The following KAZN variants were observed in gnomAD, a reference collection of about 807,000 sequenced individuals.
KAZN encodes the protein kazrin.
In KAZN, 40 loss-of-function variants were observed where a neutral mutation model predicts 87.4. That is an observed-to-expected ratio of 0.46 (90% CI 0.36 to 0.60). The LOEUF (loss-of-function observed/expected upper bound fraction) is 0.60. Among genes scored for constraint, KAZN ranks in the 20% least tolerant of loss-of-function variants. The pLI is 0.00. For missense variants in KAZN, 898 were observed against 1,073.9 expected (o/e 0.84, Z 2.29); for synonymous variants, 466 against 458.3 (o/e 1.02, Z -0.22).
intron 2 of KAZN, among the ~76,000 whole-genome samples, chr1:14,562,877 T>C (rs1278100777): frequency 6.6e-6 from 1 of 152,228 alleles, no homozygotes; most frequent in Non-Finnish European, 1.5e-5. Flanking sequence ...GTTTTAATGA[T>C]GGGCAAGCCA....
intron 2 of KAZN, among the ~76,000 whole-genome samples, chr1:14,360,786 T>C (rs940043260): frequency 1.3e-5 from 2 of 152,188 alleles, no homozygotes; most frequent in African/African-American, 2.4e-5. Context: ...ACAGCAAAGA[T>C]TGCTGTCTGT....
At chr1:14,127,805 G>A (rs1026680075) in intron 1 of KAZN, among the ~76,000 whole-genome samples, 1 of 152,088 alleles carries the variant, frequency 6.6e-6, no homozygotes, top group East Asian at 1.9e-4. Flanking sequence ...GCTTTGAGTC[G>A]GTGCTAGGGA....
intron 2 of KAZN, among the ~76,000 whole-genome samples, chr1:14,383,125 A>C (rs182848270): frequency 3.3e-5 from 5 of 152,008 alleles, no homozygotes; most frequent in Non-Finnish European, 5.9e-5. Flanking sequence ...TTCTTTTGAG[A>C]AGTGTCTGTT....
At chr1:14,794,730 C>A (rs948348146) in intron 1 of KAZN, among the ~76,000 whole-genome samples, 5 of 152,136 alleles carry the variant, frequency 3.3e-5, no homozygotes, top group Non-Finnish European at 7.3e-5. Flanking sequence ...TACTGAGTGT[C>A]AACTTGATTT....
chr1:14,785,461 A>G (rs984025600), intron 1 of KAZN, among the ~76,000 whole-genome samples: 22 of 152,128 alleles, frequency 1.4e-4, no homozygotes, highest in African/African-American at 4.8e-4. Flanking sequence ...CAGAATGGAT[A>G]CCTCAGGGGA....
chr1:15,088,562 C>T (rs1178584887), intron 8 of KAZN, among the ~76,000 whole-genome samples: 3 of 152,180 alleles, frequency 2.0e-5, no homozygotes, highest in Non-Finnish European at 4.4e-5. Flanking sequence ...CGCTGAGCAG[C>T]CTGGCCATCA....
intron 2 of KAZN, among the ~76,000 whole-genome samples, chr1:14,452,445 G>C (rs184328934): frequency 1.2e-4 from 19 of 152,302 alleles, no homozygotes; most frequent in Admixed American, 1.1e-3. Flanking sequence ...TTTTATCCAA[G>C]AGAATGCATT....
chr1:13,920,918 T>C (rs766318577), intron 1 of KAZN, among the ~76,000 whole-genome samples: 3 of 152,188 alleles, frequency 2.0e-5, no homozygotes, highest in Non-Finnish European at 4.4e-5. Context: ...TTGTCCAAGA[T>C]GGCGATGCTC....
At position 15,116,129 on chromosome 1, in the gene KAZN, G is replaced by C. The variant is rs1416061957; in HGVS notation, c.*1494G>C. ...ATGATTAGGGAAGGACGGATGCATT[G>C]CGATTCTGCTTACACATCGGGTTAT... On this transcript the variant is annotated 3_prime_UTR_variant, in exon 15 of 15. Transcript: ENST00000376030. 1 of 152,290 alleles carries C rather than the reference G, an allele frequency of 6.6e-6. No individual in the cohort carries two copies. Among genetic ancestry groups the C allele is most frequent in the East Asian group, 1.9e-4 (1 of 5,180 alleles). 9.4% of individuals were successfully genotyped at this position (152,290 alleles called of 1,614,324 possible). A position where few individuals can be genotyped will look rare whatever the true frequency, so the allele number is the denominator to read the frequency against.
intron 1 of KAZN, among the ~76,000 whole-genome samples, chr1:14,105,887 T>C (rs547693397): frequency 1.3e-5 from 2 of 152,334 alleles, no homozygotes; most frequent in East Asian, 3.9e-4. Flanking sequence ...GGAATTGACA[T>C]CAGGGTTGGG....
At chr1:14,690,593 G>A (rs1641232797) in intron 1 of KAZN, among the ~76,000 whole-genome samples, 2 of 149,536 alleles carry the variant, frequency 1.3e-5, no homozygotes, top group Non-Finnish European at 3.0e-5. Context: ...CAAAGAGGAA[G>A]ATCACATTCT....
At chr1:13,895,120 G>T (rs1031648955) in intron 1 of KAZN, among the ~76,000 whole-genome samples, 2 of 152,210 alleles carry the variant, frequency 1.3e-5, no homozygotes, top group African/African-American at 2.4e-5. Flanking sequence ...AGGCATCTCT[G>T]TTTGCAGGGA....
chr1:14,932,455 A>C (rs540119581), intron 1 of KAZN, among the ~76,000 whole-genome samples: 1 of 152,204 alleles, frequency 6.6e-6, no homozygotes, highest in East Asian at 1.9e-4. Flanking sequence ...TTTCGAGGAG[A>C]GCCTGCGTGG....
chr1:14,543,068 G>C (rs1672914825), intron 2 of KAZN, among the ~76,000 whole-genome samples: 1 of 152,134 alleles, frequency 6.6e-6, no homozygotes, highest in Non-Finnish European at 1.5e-5. Context: ...AGAAACACAG[G>C]CTCCTAACTA....
At chr1:15,014,613 T>C (rs1451508180) in intron 2 of KAZN, among the ~76,000 whole-genome samples, 2 of 152,148 alleles carry the variant, frequency 1.3e-5, no homozygotes, top group Non-Finnish European at 2.9e-5. Context: ...GGGAGAGCAT[T>C]TGCTGGCACC....
intron 2 of KAZN, among the ~76,000 whole-genome samples, chr1:14,360,147 CT>C (rs1359477636): frequency 2.0e-5 from 3 of 152,066 alleles, no homozygotes; most frequent in African/African-American, 7.2e-5. Context: ...CCTTTTCATT[CT>C]TTTTTCTCTA....
intron 8 of KAZN, among the ~76,000 whole-genome samples, chr1:15,088,775 G>C (rs1440606161): frequency 6.6e-6 from 1 of 152,044 alleles, no homozygotes; most frequent in East Asian, 1.9e-4. Flanking sequence ...CTCAGGGGTG[G>C]GGGAGAAGGA....
chr1:14,723,594 CCTTCACAGTTGG>C (rs1362860491), intron 1 of KAZN, among the ~76,000 whole-genome samples: 3 of 152,152 alleles, frequency 2.0e-5, no homozygotes, highest in Admixed American at 1.3e-4. Flanking sequence ...GACAAAAGGC[CCTTCACAGTTGG>C]CTGTCCATCT....
chr1:14,442,416 A>G (rs1175490673), intron 2 of KAZN, among the ~76,000 whole-genome samples: 2 of 152,200 alleles, frequency 1.3e-5, no homozygotes, highest in Non-Finnish European at 2.9e-5. Flanking sequence ...ACTGTCATAG[A>G]AGCTCACTAT....
Sources: gnomAD v4.1 joint callset for allele counts (sites outside exome capture counted in the v4.1 genomes callset) on GRCh38, gnomAD v4.1.1 for gene constraint, MANE v1.5 for transcripts, NCBI Gene and HGNC (gene_info 2026-07-23, HGNC 2026-07-21) for gene names.